Variants in FLNC observed in about 807,000 individuals in gnomAD.
FLNC encodes filamin-C.
In FLNC, 91 loss-of-function variants were observed where a neutral mutation model predicts 254.3. The ratio of observed to expected loss-of-function variants is 0.36; its 90% CI spans 0.30 to 0.43. The LOEUF (loss-of-function observed/expected upper bound fraction) is 0.43, where lower values mean the gene tolerates loss of function less well. Among genes scored for constraint, FLNC ranks in the 20% least tolerant of loss-of-function variants. FLNC has a pLI of 1.00. For missense variants in FLNC, 2,853 were observed against 3,802.6 expected (o/e 0.75, Z 6.57); for synonymous variants, 1,430 against 1,577.2 (o/e 0.91, Z 2.21).
rs1221481252 is a variant in FLNC at position 128,855,205 on chromosome 7, A to G, written c.7142A>G (p.Tyr2381Cys). 1.2e-6 allele frequency: 2 copies of G among 1,608,914 alleles called. No homozygotes were observed. ...GACTGGTCTCTCTCCCCAGGTGACT[A>G]TGAGGTCTCCATCAAGTTCAATGAT... ...VSYVVQEPGD[Y>C]EVSIKFNDEH... Residue 2381 changes from tyrosine to cysteine, a missense_variant, in exon 43 of 48, where the codon TAT becomes TGT. Tyr to Cys is a radical substitution (Grantham distance 194). Transcript: ENST00000325888.
intron 1 of FLNC, among the ~76,000 whole-genome samples, chr7:128,834,807 G>C (rs919776922): frequency 2.0e-5 from 3 of 152,142 alleles, no homozygotes; most frequent in African/African-American, 7.2e-5. Context: ...GACGGCAGGA[G>C]GGAGGGCTCA....
intron 8 of FLNC, among the ~76,000 whole-genome samples, chr7:128,839,659 G>C (rs1209750183): frequency 6.6e-6 from 1 of 152,242 alleles, no homozygotes; most frequent in African/African-American, 2.4e-5. Flanking sequence ...ATGTTTTGTG[G>C]CATGACTTAG....
At position 128,851,335 on chromosome 7, in the gene FLNC, T is replaced by A; in HGVS notation, c.5643T>A (p.Thr1881=). The change falls in exon 34 of 48, where the codon ACT becomes ACA. Residue 1881 remains threonine (T), a synonymous_variant. Coordinates refer to ENST00000325888, the MANE Select transcript of FLNC (RefSeq NM_001458.5). ...TGGTCAACAAGCCAGCCACCTTCAC[T>A]ATTGTCACCAAAGATGCTGGAGAAG... ...HGMVNKPATF[T]IVTKDAGEGG... is the part of the protein sequence containing the mutation. 1 of 1,614,116 alleles carries A rather than the reference T, an allele frequency of 6.2e-7. No homozygotes were observed. Among genetic ancestry groups the A allele is most frequent in the Non-Finnish European group, 8.5e-7 (1 of 1,180,040 alleles).
In FLNC at chr7:128,845,998, C is replaced by G. The variant is rs371483562; in HGVS notation, c.3799C>G (p.Arg1267Gly). 3.7e-6 allele frequency: 6 copies of G among 1,613,554 alleles called. No homozygotes were observed. The highest frequency in any genetic ancestry group is 5.1e-6 in the Non-Finnish European group (6 of 1,179,980). The change falls in exon 22 of 48, where the codon CGG becomes GGG. Residue 1267 changes from arginine to glycine, a missense_variant. By Grantham distance (125) the Arg-to-Gly change is moderately radical. Around this residue, in one of 10 missense-constraint regions of FLNC, gnomAD observed 1,573 missense variants for 1,883.5 expected, o/e 0.84. Coordinates refer to ENST00000325888, the MANE Select transcript of FLNC (RefSeq NM_001458.5). The part of the protein sequence containing the change: ...GPGVEPHGVL[R>G]EVTTEFTVDA... The stretch of plus-strand genomic sequence containing the variant: ...CCACCCCTGGGCTCCAGGTGTCCTG[C>G]GGGAGGTGACCACTGAGTTCACTGT...
Position 128,842,759 on chromosome 7 carries a change from G to T in FLNC, c.2390-35G>T. On this transcript the variant is annotated intron_variant, in intron 15 of 47. Coordinates refer to ENST00000325888, the MANE Select transcript of FLNC (RefSeq NM_001458.5). The surrounding 1 kb of genome is among the most constrained non-coding windows in gnomAD (Gnocchi z 5.4). Reference sequence around the variant, plus strand: ...GCGGGGGTGAGTCGAGTCGGGGGCTGAGCCCAACTCACAGCAGTGCCCGCT... The same window carrying T: ...GCGGGGGTGAGTCGAGTCGGGGGCTTAGCCCAACTCACAGCAGTGCCCGCT... 1 of 1,610,190 alleles carries T rather than the reference G, an allele frequency of 6.2e-7. No individual in the cohort carries two copies. The highest frequency in any genetic ancestry group is 8.5e-7 in the Non-Finnish European group (1 of 1,178,738).
rs769518634 is a variant in FLNC, at chr7:128,855,362, G to C, written c.7251+48G>C. On this transcript the variant is annotated intron_variant, in intron 43 of 47. Transcript: ENST00000325888. ...GAGGGTTTCTGCTATCTGAGAGATG[G>C]GCAGGAGTTGAGGACAGCAGGTCCA... 4 of 1,243,406 alleles carry C rather than the reference G, an allele frequency of 3.2e-6. No homozygotes were observed. In the Admixed American group the frequency reaches 6.7e-5, roughly 21 times the overall value. The allele number at this position is 1,243,406 out of a possible 1,614,324, so 77.0% of individuals were successfully genotyped here.
rs1350109880 is a variant in FLNC, at chr7:128,854,610, C to T, written c.6925C>T (p.Leu2309=). The T allele has an allele frequency of 3.8e-5, 62 of 1,611,714 alleles. No individual in the cohort carries two copies. Among genetic ancestry groups the T allele is most frequent in the Non-Finnish European group, 5.2e-5 (61 of 1,179,312 alleles). The change falls in exon 41 of 48, where the codon CTG becomes TTG. Residue 2309 remains leucine, a synonymous_variant. Coordinates refer to ENST00000325888, the MANE Select transcript of FLNC (RefSeq NM_001458.5). ...GSPFQFTVGP[L]GEGGAHKVRA... ...CCCCTTTCAGTTCACTGTGGGGCCG[C>T]TGGGTGAAGGTGGTGCCCACAAGGT... is the stretch of plus-strand genomic sequence containing the variant.
At chr7:128,853,091 C>T (rs1043583631) in intron 37 of FLNC, 60 bp downstream of exon 37, 22 of 1,498,544 alleles carry the variant, frequency 1.5e-5, no homozygotes, top group South Asian at 2.3e-5. Context: ...CACTTGTCCT[C>T]GTCCTGCCCA....
intron 37 of FLNC, 75 bp downstream of exon 37, chr7:128,853,106 C>A: frequency 7.1e-7 from 1 of 1,401,216 alleles, no homozygotes; most frequent in Non-Finnish European, 1.0e-6. Flanking sequence ...TGCCCAGCAC[C>A]CCCTTGGCCG....
chr7:128,852,798 G>T (rs1808877013), intron 36 of FLNC, 30 bp from the exon 37 acceptor site: 1 of 1,613,672 alleles, frequency 6.2e-7, no homozygotes, highest in Non-Finnish European at 8.5e-7. Context: ...GGGCCCACAG[G>T]ATGCTCTGCC....
chr7:128,857,042 T>C lies in FLNC; in HGVS notation c.7562-76T>C, dbSNP rs1015005947. ...AAGCCAGGAGTCCCCACAGAGGCTG[T>C]CCAGGGAGCTGGGGCCCAGTCCCTC... On this transcript the variant is annotated intron_variant, in intron 45 of 47. Transcript: ENST00000325888. This position sits in a 1 kb window ranked among gnomAD's most constrained non-coding sequence, Gnocchi z 4.5. 49 of 1,571,284 alleles carry C rather than the reference T, an allele frequency of 3.1e-5. No homozygotes were observed. Among genetic ancestry groups the C allele is most frequent in the Middle Eastern group, 1.7e-4 (1 of 5,966 alleles).
chr7:128,845,345 G>A (rs1265617635), intron 21 of FLNC, 90 bp downstream of exon 21: 7 of 1,081,032 alleles, frequency 6.5e-6, no homozygotes, highest in Non-Finnish European at 5.5e-6. Flanking sequence ...GCTGAGAGCT[G>A]GAAGAGCAAC....
At position 128,836,316 on chromosome 7, in the gene FLNC, C is replaced by T. The variant is rs1808091145; in HGVS notation, c.601+742C>T. On this transcript the variant is annotated intron_variant, in intron 2 of 47. Coordinates refer to ENST00000325888, the MANE Select transcript of FLNC (RefSeq NM_001458.5). This position sits in a 1 kb window ranked among gnomAD's most constrained non-coding sequence, Gnocchi z 6.0. ...AATCCTCCTCCACCCTGGGGTCAGC[C>T]GGGGAGCAGAGGGTGGGAGGCGGGG... Among the ~76,000 whole-genome samples, 1 of 152,180 alleles carries T rather than the reference C, an allele frequency of 6.6e-6. No individual in the cohort carries two copies. Among genetic ancestry groups the T allele is most frequent in the South Asian group, 2.1e-4 (1 of 4,836 alleles).
intron 1 of FLNC, among the ~76,000 whole-genome samples, chr7:128,832,786 C>T (rs1365610739): frequency 2.0e-5 from 3 of 152,206 alleles, no homozygotes; most frequent in Non-Finnish European, 4.4e-5. Flanking sequence ...AATTCAGCTG[C>T]CGGCCCCAGG....
intron 24 of FLNC, 122 bp downstream of exon 24, chr7:128,847,027 T>A: frequency 1.5e-6 from 2 of 1,317,658 alleles, no homozygotes; most frequent in Admixed American, 1.9e-5. Flanking sequence ...CAGCCTAGAG[T>A]GGGTTGGGGC....
Position 128,846,404 on chromosome 7 carries a change from C to A in FLNC, c.4068C>A (p.Phe1356Leu). 6.2e-7 allele frequency: 1 copy of A among 1,609,200 alleles called. No homozygotes were observed. Among genetic ancestry groups the A allele is most frequent in the South Asian group, 1.1e-5 (1 of 91,090 alleles). Residue 1356 changes from phenylalanine to leucine, a missense_variant, in exon 23 of 48, where the codon TTC becomes TTA. By Grantham distance (22) the Phe-to-Leu change is conservative. Around this residue, in one of 10 missense-constraint regions of FLNC, gnomAD observed 1,573 missense variants for 1,883.5 expected, o/e 0.84. Transcript: ENST00000325888. ...GTGATCCCACCCGCGTCCGAGCCTT[C>A]GGGCCAGGCCTGGAGGGTGGCTTGG... ...EGCDPTRVRA[F>L]GPGLEGGLVN...
Position 128,845,125 on chromosome 7 carries a change from C to G in FLNC, c.3660C>G (p.Phe1220Leu), listed in dbSNP as rs886668541. The G allele has an allele frequency of 6.2e-7, 1 of 1,613,860 alleles. No homozygotes were observed. The highest frequency in any genetic ancestry group is 8.5e-7 in the Non-Finnish European group (1 of 1,180,038). ...GTYHITYSPA[F>L]PGTYTITIKY... The stretch of plus-strand genomic sequence containing the variant: ...ACCACATCACCTACAGCCCTGCCTT[C>G]CCTGGCACCTACACCATTACCATCA... The change falls in exon 21 of 48, where the codon TTC becomes TTG. Residue 1220 changes from phenylalanine (F) to leucine (L), a missense_variant. Physicochemically the swap from Phe to Leu is conservative, Grantham distance 22 (BLOSUM62 0). Transcript: ENST00000325888.
chr7:128,858,136 A>G lies in FLNC; in HGVS notation c.7909A>G (p.Lys2637Glu), dbSNP rs767794768. Residue 2637 changes from lysine to glutamate, a missense_variant, in exon 47 of 48, where the codon AAG (lysine) becomes GAG (glutamate). Coordinates refer to ENST00000325888, the MANE Select transcript of FLNC (RefSeq NM_001458.5). This position sits in a 1 kb window ranked among gnomAD's most constrained non-coding sequence, Gnocchi z 6.7. ...CCCCAAGTTCTCCTCAGATGCCAGC[A>G]AGGTGGTGACTCGGGGCCCTGGGCT... is the stretch of plus-strand genomic sequence containing the variant. ...SIPKFSSDAS[K>E]VVTRGPGLSQ... is the part of the protein sequence containing the mutation. The G allele has an allele frequency of 1.2e-6, 2 of 1,612,570 alleles. No homozygotes were observed. The highest frequency in any genetic ancestry group is 1.1e-5 in the South Asian group (1 of 91,046).
rs1382734231 is a variant in FLNC at position 128,854,578 on chromosome 7, C to A, written c.6893C>A (p.Pro2298His). The stretch of plus-strand genomic sequence containing the variant: ...GTCAAGTACCGTGGCCAGCACGTGC[C>A]CGGCAGCCCCTTTCAGTTCACTGTG... The part of the protein sequence containing the change: ...VAVKYRGQHV[P>H]GSPFQFTVGP... Residue 2298 changes from proline (P) to histidine (H), a missense_variant, in exon 41 of 48, where the codon CCC becomes CAC. Pro to His is a moderately conservative substitution (Grantham distance 77). Coordinates refer to ENST00000325888, the MANE Select transcript of FLNC (RefSeq NM_001458.5). The A allele has an allele frequency of 1.2e-6, 2 of 1,609,544 alleles. No individual in the cohort carries two copies. Among genetic ancestry groups the A allele is most frequent in the Non-Finnish European group, 1.7e-6 (2 of 1,178,512 alleles).
Sources: allele counts gnomAD v4.1 joint callset (sites outside exome capture counted in the v4.1 genomes callset), GRCh38; gene constraint gnomAD v4.1.1; regional missense constraint gnomAD v4.1.1; non-coding constraint Gnocchi (gnomAD v3.1); transcripts MANE v1.5; gene names NCBI Gene and HGNC (gene_info 2026-07-23, HGNC 2026-07-21).